ALK: variants seen among roughly 807,000 people sequenced by gnomAD.
The protein encoded by ALK is ALK receptor tyrosine kinase, also known as ALK tyrosine kinase receptor.
A neutral mutation model predicts 163.1 loss-of-function variants in ALK; 74 were observed. That is an observed-to-expected ratio of 0.45 (90% CI 0.38 to 0.55). The LOEUF (loss-of-function observed/expected upper bound fraction) is 0.55. ALK is among the 20% of genes least tolerant of loss of function. The pLI is 0.00. For synonymous variants in ALK, 960 were observed against 843.2 expected, an observed-to-expected ratio of 1.14 and a Z score of -2.40; for missense variants, 2,063 against 2,105.3, an observed-to-expected ratio of 0.98 and a Z score of 0.39.
At chr2:29,586,337 T>TAAA (rs1407244113) in intron 3 of ALK, among the ~76,000 whole-genome samples, 2 of 152,200 alleles carry the variant, frequency 1.3e-5, no homozygotes, top group East Asian at 3.8e-4. Context: ...TCCATTTTGT[T>TAAA]AAGTTTTTTA....
At chr2:29,605,709 C>T (rs1675524802) in intron 3 of ALK, among the ~76,000 whole-genome samples, 1 of 152,194 alleles carries the variant, frequency 6.6e-6, no homozygotes, top group Non-Finnish European at 1.5e-5. Context: ...AATGTCTTTG[C>T]CTCCAGAACT....
chr2:29,644,641 A>C (rs1223570130), intron 3 of ALK, among the ~76,000 whole-genome samples: 5 of 152,076 alleles, frequency 3.3e-5, no homozygotes, highest in Admixed American at 3.3e-4. Context: ...GCTAGCCATT[A>C]TGCTTGCTGA....
intron 4 of ALK, among the ~76,000 whole-genome samples, chr2:29,529,223 A>G (rs1234132752): frequency 6.6e-6 from 1 of 150,950 alleles, no homozygotes; most frequent in Admixed American, 6.6e-5. Context: ...TCCTCAGCCC[A>G]CTCCTCTGAG....
At chr2:29,513,133 T>G (rs113338778) in intron 4 of ALK, among the ~76,000 whole-genome samples, 53,790 of 149,992 alleles carry the variant, frequency 0.36, 11,264 homozygotes, top group South Asian at 0.56. Flanking sequence ...TTTCTTCACA[T>G]AATTGGAAAA....
At chr2:29,588,076 A>G (rs1674938273) in intron 3 of ALK, among the ~76,000 whole-genome samples, 1 of 152,180 alleles carries the variant, frequency 6.6e-6, no homozygotes. Flanking sequence ...GCTATCACTA[A>G]GGATTTTAAG....
intron 1 of ALK, among the ~76,000 whole-genome samples, chr2:29,760,374 G>A (rs1387631235): frequency 6.6e-6 from 1 of 152,182 alleles, no homozygotes; most frequent in Non-Finnish European, 1.5e-5. Context: ...TAATATGGCT[G>A]ATAATAATAG....
intron 3 of ALK, among the ~76,000 whole-genome samples, chr2:29,545,878 G>T (rs1178493171): frequency 6.6e-6 from 1 of 152,162 alleles, no homozygotes; most frequent in Admixed American, 6.5e-5. Context: ...TGAGTTAGTT[G>T]TAGCCTAGAA....
intron 1 of ALK, among the ~76,000 whole-genome samples, chr2:29,914,479 G>C (rs902900517): frequency 3.3e-5 from 5 of 152,192 alleles, no homozygotes; most frequent in African/African-American, 1.2e-4. Context: ...ACCAGATGCT[G>C]GAGTGCAGCT....
chr2:29,544,209 C>T (rs78744540), intron 3 of ALK, among the ~76,000 whole-genome samples: 24,638 of 152,066 alleles, frequency 0.16, 2,301 homozygotes, highest in South Asian at 0.22. Flanking sequence ...ATGCATGCCC[C>T]GAGATATCAG....
At chr2:29,617,039 G>A (rs1289986204) in intron 3 of ALK, among the ~76,000 whole-genome samples, 10 of 152,066 alleles carry the variant, frequency 6.6e-5, no homozygotes, top group Non-Finnish European at 1.5e-4. Context: ...ATGTGACACA[G>A]ACCTTCTGAG....
At chr2:29,365,342 G>A (rs1573285046) in intron 5 of ALK, among the ~76,000 whole-genome samples, 1 of 152,222 alleles carries the variant, frequency 6.6e-6, no homozygotes, top group East Asian at 1.9e-4. Flanking sequence ...GATTTGTGAT[G>A]GTGCTTGATG....
At chr2:29,395,823 T>TC (rs567004464) in intron 4 of ALK, among the ~76,000 whole-genome samples, 193 of 152,170 alleles carry the variant, frequency 1.3e-3, no homozygotes, top group South Asian at 7.1e-3. Context: ...CTTTTTGGGG[T>TC]CCCCCTTCTG....
chr2:29,478,406 C>T (rs1280958071), intron 4 of ALK, among the ~76,000 whole-genome samples: 1 of 152,236 alleles, frequency 6.6e-6, no homozygotes, highest in Non-Finnish European at 1.5e-5. Context: ...CAAGCCCCTT[C>T]CAGGAAAGGT....
At chr2:29,706,890 A>G (rs1349647864) in intron 2 of ALK, among the ~76,000 whole-genome samples, 1 of 151,876 alleles carries the variant, frequency 6.6e-6, no homozygotes, top group East Asian at 1.9e-4. Context: ...TAGGGCTTGG[A>G]GCAGTAAGAG....
rs117976283 is a variant in ALK at position 29,551,766 on chromosome 2, A to G, written c.953-19650T>C. 3.9e-4 allele frequency among the ~76,000 whole-genome samples: 59 copies of G among 152,286 alleles called. No individual in the cohort carries two copies. The East Asian group carries it at 9.4e-3, about 24-fold the overall frequency. On this transcript the variant is annotated intron_variant, in intron 3 of 28. Coordinates refer to ENST00000389048, the MANE Select transcript of ALK (RefSeq NM_004304.5). ...AATTCACCAAAATGTAAAATGGGTA[A>G]CTCTGGAGGTTAGAATATTTTTCTT...
At chr2:29,320,059 G>A (rs1197470562) in intron 7 of ALK, among the ~76,000 whole-genome samples, 2 of 152,230 alleles carry the variant, frequency 1.3e-5, no homozygotes, top group African/African-American at 2.4e-5. Flanking sequence ...CCTAACGTTG[G>A]GAGCTCTGCT....
chr2:29,865,059 A>G (rs1011332354), intron 1 of ALK, among the ~76,000 whole-genome samples: 1 of 152,208 alleles, frequency 6.6e-6, no homozygotes, highest in African/African-American at 2.4e-5. Context: ...ATCAGCCTAA[A>G]GCAGAACTCT....
At chr2:29,802,777 C>CTT (rs376874161) in intron 1 of ALK, among the ~76,000 whole-genome samples, 128 of 140,256 alleles carry the variant, frequency 9.1e-4, no homozygotes, top group Admixed American at 2.7e-3. Flanking sequence ...GACTGGAACT[C>CTT]TTTTTTTTTT....
intron 26 of ALK, among the ~76,000 whole-genome samples, chr2:29,202,671 C>G (rs936156388): frequency 1.3e-5 from 2 of 152,188 alleles, no homozygotes; most frequent in Admixed American, 1.3e-4. Flanking sequence ...TGCTTTTTCC[C>G]CACTGAACAC....
Sources: gnomAD v4.1 joint callset for allele counts (sites outside exome capture counted in the v4.1 genomes callset) on GRCh38, gnomAD v4.1.1 for gene constraint, MANE v1.5 for transcripts, NCBI Gene and HGNC (gene_info 2026-07-23, HGNC 2026-07-21) for gene names.